ATP8A1: variants seen among roughly 807,000 people sequenced by gnomAD.
ATP8A1 encodes the protein phospholipid-transporting ATPase IA.
In ATP8A1, 90 loss-of-function variants were observed where a neutral mutation model predicts 177.7. The ratio of observed to expected loss-of-function variants is 0.51; its 90% CI spans 0.43 to 0.60. ATP8A1 has a LOEUF of 0.60. ATP8A1 is among the 20% of genes least tolerant of loss of function. The pLI is 0.00. For missense variants in ATP8A1, 1,072 were observed against 1,392.8 expected, an observed-to-expected ratio of 0.77 and a Z score of 3.67; for synonymous variants, 493 against 485.9, an observed-to-expected ratio of 1.01 and a Z score of -0.19.
rs904031739 is a variant in ATP8A1, at chr4:42,556,102, T to C, written c.1341-62A>G. 6.8e-6 allele frequency: 8 copies of C among 1,176,996 alleles called. No homozygotes were observed. In the Admixed American group the frequency reaches 1.0e-4, roughly 15 times the overall value. The allele number at this position is 1,176,996 out of a possible 1,614,324, so 72.9% of individuals were successfully genotyped here. On this transcript the variant is annotated intron_variant, in intron 15 of 36. Coordinates refer to ENST00000381668, the MANE Select transcript of ATP8A1 (RefSeq NM_006095.2). ...TTATACCAGCCCACTGATCTATTTG[T>C]TAATGTACTTTATGAGTAAAGTGTT...
At chr4:42,536,557 T>A (rs937075109) in intron 20 of ATP8A1, among the ~76,000 whole-genome samples, 1 of 152,152 alleles carries the variant, frequency 6.6e-6, no homozygotes, top group African/African-American at 2.4e-5. Context: ...TTGACACTAT[T>A]CCAAAAGACA....
rs115210639 is a variant in ATP8A1 at position 42,488,062 on chromosome 4, C to T, written c.2152-2394G>A. 8.8e-3 allele frequency among the ~76,000 whole-genome samples: 1,346 copies of T among 152,246 alleles called. 11 individuals carry two copies. Among genetic ancestry groups the T allele is most frequent in the African/African-American group, 0.03 (1,249 of 41,528 alleles). The stretch of plus-strand genomic sequence containing the variant: ...AAGTGAAAAATGTTGGTAATAAATT[C>T]CACAAGCAAAATTTACTAATGACAA... On this transcript the variant is annotated intron_variant, in intron 24 of 36. Transcript: ENST00000381668.
chr4:42,583,875 C>G (rs904054203), intron 9 of ATP8A1, among the ~76,000 whole-genome samples: 7 of 152,186 alleles, frequency 4.6e-5, no homozygotes, highest in Non-Finnish European at 7.3e-5. Flanking sequence ...AACAATTTGA[C>G]AGAAAACTGT....
At chr4:42,526,598 A>G (rs1358109024) in intron 20 of ATP8A1, among the ~76,000 whole-genome samples, 1 of 152,098 alleles carries the variant, frequency 6.6e-6, no homozygotes, top group Non-Finnish European at 1.5e-5. Flanking sequence ...ATCGGACTCC[A>G]AGTTCTTCAG....
intron 35 of ATP8A1, among the ~76,000 whole-genome samples, chr4:42,417,222 T>C (rs1713343191): frequency 6.6e-6 from 1 of 152,112 alleles, no homozygotes; most frequent in African/African-American, 2.4e-5. Flanking sequence ...GGGCCATCAA[T>C]GTTTATAGAT....
intron 33 of ATP8A1, among the ~76,000 whole-genome samples, chr4:42,428,195 TATC>T (rs896134495): frequency 1.3e-5 from 2 of 152,256 alleles, no homozygotes; most frequent in African/African-American, 2.4e-5. Context: ...TTGCAGTTTG[TATC>T]ATCATTCATA....
intron 24 of ATP8A1, among the ~76,000 whole-genome samples, chr4:42,486,375 T>C (rs1452070870): frequency 2.0e-5 from 3 of 152,172 alleles, no homozygotes; most frequent in African/African-American, 7.2e-5. Flanking sequence ...TCGGGGCAAA[T>C]ATTTAGGCTA....
chr4:42,452,131 A>G, intron 29 of ATP8A1, 72 bp from the exon 30 acceptor site: 1 of 1,050,634 alleles, frequency 9.5e-7, no homozygotes, highest in Non-Finnish European at 1.5e-6. Flanking sequence ...CTTTCTTTTT[A>G]TCTATGAGCT....
At chr4:42,557,184 C>A (rs1730325097) in intron 15 of ATP8A1, among the ~76,000 whole-genome samples, 1 of 152,104 alleles carries the variant, frequency 6.6e-6, no homozygotes, top group Admixed American at 6.5e-5. Context: ...GAAAATACAT[C>A]TTTATTAGCA....
intron 32 of ATP8A1, among the ~76,000 whole-genome samples, chr4:42,444,077 G>C (rs6855703): frequency 0.96 from 146,958 of 152,312 alleles, 71,114 homozygotes; most frequent in Non-Finnish European, 1. Flanking sequence ...TCTTTCCCAG[G>C]GACATGAAAC....
intron 25 of ATP8A1, among the ~76,000 whole-genome samples, chr4:42,467,964 C>T (rs769045215): frequency 7.9e-5 from 12 of 152,122 alleles, no homozygotes; most frequent in Non-Finnish European, 1.6e-4. Context: ...TCTGTTTACT[C>T]TGCTGACTGA....
intron 4 of ATP8A1, 73 bp from the exon 5 acceptor site, chr4:42,616,151 C>G: frequency 7.8e-7 from 1 of 1,279,622 alleles, no homozygotes; most frequent in Non-Finnish European, 1.1e-6. Flanking sequence ...GCACTCATAC[C>G]AAAAAAGATT....
chr4:42,422,844 T>C lies in ATP8A1; in HGVS notation c.3268A>G (p.Lys1090Glu). The C allele has an allele frequency of 1.2e-6, 2 of 1,613,230 alleles. No individual in the cohort carries two copies. The highest frequency in any genetic ancestry group is 1.7e-6 in the Non-Finnish European group (2 of 1,179,890). ...LVDEVQELEA[K>E]SQDPGAVVLG... Reference sequence around the variant, plus strand: ...ACAACTGCTCCTGGGTCTTGAGATTTTGCCTCCAGCTCCTGAACTTCATCG... The same window carrying C: ...ACAACTGCTCCTGGGTCTTGAGATTCTGCCTCCAGCTCCTGAACTTCATCG... The change falls in exon 35 of 37, where the codon AAA becomes GAA. Residue 1090 changes from lysine (K) to glutamate (E), a missense_variant. Lys to Glu is a moderately conservative substitution (Grantham distance 56). Coordinates refer to ENST00000381668, the MANE Select transcript of ATP8A1 (RefSeq NM_006095.2).
At chr4:42,606,785 C>A (rs1002911729) in intron 5 of ATP8A1, among the ~76,000 whole-genome samples, 1 of 152,166 alleles carries the variant, frequency 6.6e-6, no homozygotes, top group Non-Finnish European at 1.5e-5. Flanking sequence ...CATGATTGTA[C>A]CCTGTAAGAG....
chr4:42,476,425 C>G (rs1304933760), intron 25 of ATP8A1, among the ~76,000 whole-genome samples: 1 of 152,010 alleles, frequency 6.6e-6, no homozygotes, highest in Non-Finnish European at 1.5e-5. Context: ...TTGAGACCAG[C>G]CTGGCCAATA....
At chr4:42,573,259 A>T (rs1732085630) in intron 14 of ATP8A1, among the ~76,000 whole-genome samples, 1 of 152,256 alleles carries the variant, frequency 6.6e-6, no homozygotes, top group Non-Finnish European at 1.5e-5. Flanking sequence ...TGGAAATACT[A>T]GTTATGAATG....
chr4:42,632,994 A>G (rs925488302), intron 1 of ATP8A1, among the ~76,000 whole-genome samples: 1 of 152,216 alleles, frequency 6.6e-6, no homozygotes, highest in Non-Finnish European at 1.5e-5. Context: ...GAGCAGGAAA[A>G]TTCTGAAAAA....
chr4:42,467,171 A>T (rs1286233243), intron 25 of ATP8A1, among the ~76,000 whole-genome samples: 1 of 152,202 alleles, frequency 6.6e-6, no homozygotes, highest in Non-Finnish European at 1.5e-5. Flanking sequence ...TGGTGATCAC[A>T]ACCAACCACT....
Position 42,611,471 on chromosome 4 carries a change from T to C in ATP8A1, c.409+4562A>G, listed in dbSNP as rs577829097. 3.3e-5 allele frequency among the ~76,000 whole-genome samples: 5 copies of C among 152,328 alleles called. No homozygotes were observed. The East Asian group carries it at 5.8e-4, about 18-fold the overall frequency. ...TGGGCTGCTAAGGATCGCAGCTCTA[T>C]CTCCCACACATTCTCATATGCAGAA... On this transcript the variant is annotated intron_variant, in intron 5 of 36. Coordinates refer to ENST00000381668, the MANE Select transcript of ATP8A1 (RefSeq NM_006095.2).
Sources: allele counts gnomAD v4.1 joint callset (sites outside exome capture counted in the v4.1 genomes callset), GRCh38; gene constraint gnomAD v4.1.1; transcripts MANE v1.5; gene names NCBI Gene and HGNC (gene_info 2026-07-23, HGNC 2026-07-21).